The following GRIA4 variants were observed in gnomAD, a reference collection of about 807,000 sequenced individuals.
The protein encoded by GRIA4 is glutamate ionotropic receptor AMPA type subunit 4.
GRIA4 carries 34 observed loss-of-function variants against 104.0 expected under a neutral mutation model. The ratio of observed to expected loss-of-function variants is 0.33; its 90% CI spans 0.25 to 0.44. The LOEUF (loss-of-function observed/expected upper bound fraction) is 0.44, where lower values mean the gene tolerates loss of function less well. Ranked by LOEUF, GRIA4 falls within the 20% of genes least tolerant of loss-of-function variation. GRIA4 has a pLI of 1.00. For missense variants in GRIA4, 750 were observed against 1,096.5 expected, an observed-to-expected ratio of 0.68 and a Z score of 4.46; for synonymous variants, 386 against 381.9, an observed-to-expected ratio of 1.01 and a Z score of -0.13.
chr11:105,728,646 C>A (rs953972580), intron 3 of GRIA4, among the ~76,000 whole-genome samples: 3 of 152,102 alleles, frequency 2.0e-5, no homozygotes, highest in Non-Finnish European at 1.5e-5. Context: ...GAAATTATAA[C>A]AAACAGTCTC....
intron 4 of GRIA4, among the ~76,000 whole-genome samples, chr11:105,811,860 A>T (rs58848111): frequency 6.6e-6 from 1 of 152,152 alleles, no homozygotes; most frequent in Non-Finnish European, 1.5e-5. Context: ...CTCACTTTCC[A>T]ACTGTTAAGT....
intron 3 of GRIA4, among the ~76,000 whole-genome samples, chr11:105,709,289 A>C (rs1278022713): frequency 6.6e-6 from 1 of 152,124 alleles, no homozygotes; most frequent in African/African-American, 2.4e-5. Context: ...TGAATAAATA[A>C]ATAGATGGAG....
rs550533372 is a variant in GRIA4 at position 105,756,050 on chromosome 11, A to C, written c.487+2830A>C. ...ATAATTGCATGAGCCAATTTCTTAT[A>C]ATAAATCTCTCTTTATGTATCTGTA... On this transcript the variant is annotated intron_variant, in intron 4 of 16. Coordinates refer to ENST00000282499, the MANE Select transcript of GRIA4 (RefSeq NM_000829.4). 2.0e-5 allele frequency among the ~76,000 whole-genome samples: 3 copies of C among 152,240 alleles called. No individual in the cohort carries two copies. In the East Asian group the frequency reaches 5.8e-4, roughly 29 times the overall value.
At chr11:105,730,303 C>G (rs1170450449) in intron 3 of GRIA4, among the ~76,000 whole-genome samples, 1 of 152,052 alleles carries the variant, frequency 6.6e-6, no homozygotes, top group Non-Finnish European at 1.5e-5. Flanking sequence ...AATGAAATAC[C>G]TAGGAATACA....
chr11:105,697,997 A>C lies in GRIA4; in HGVS notation c.248-54984A>C, dbSNP rs79890000. ...TTTTTCCTCAAAGTTAAAGCCCAGCAGTGGAGATGGCAATGATTTGAAACA... is the reference window on the plus strand; with the variant it reads ...TTTTTCCTCAAAGTTAAAGCCCAGCCGTGGAGATGGCAATGATTTGAAACA... On this transcript the variant is annotated intron_variant, in intron 3 of 16. Coordinates refer to ENST00000282499, the MANE Select transcript of GRIA4 (RefSeq NM_000829.4). 4.7e-4 allele frequency among the ~76,000 whole-genome samples: 72 copies of C among 152,270 alleles called. 1 individual carries two copies. In the East Asian group the frequency reaches 5.4e-3, roughly 11 times the overall value.
chr11:105,967,989 G>A (rs1160531536), intron 14 of GRIA4, among the ~76,000 whole-genome samples: 3 of 152,162 alleles, frequency 2.0e-5, no homozygotes, highest in Non-Finnish European at 2.9e-5. Context: ...AGGAGAAAAA[G>A]TCCTGAAGTG....
intron 3 of GRIA4, among the ~76,000 whole-genome samples, chr11:105,689,104 T>C (rs1238968044): frequency 1.3e-5 from 2 of 152,182 alleles, no homozygotes; most frequent in African/African-American, 4.8e-5. Flanking sequence ...AATATGATTA[T>C]ATGATATTAA....
intron 3 of GRIA4, among the ~76,000 whole-genome samples, chr11:105,684,907 A>G (rs1813196472): frequency 6.6e-6 from 1 of 151,924 alleles, no homozygotes; most frequent in African/African-American, 2.4e-5. Context: ...ACTTAACAAC[A>G]TTTGTTTCAT....
intron 4 of GRIA4, among the ~76,000 whole-genome samples, chr11:105,803,331 G>A (rs1188356597): frequency 1.3e-5 from 2 of 151,808 alleles, no homozygotes; most frequent in Non-Finnish European, 2.9e-5. Context: ...GAGAATTTAG[G>A]TTATTTGCCA....
chr11:105,893,097 TAG>T (rs199841631), intron 6 of GRIA4, among the ~76,000 whole-genome samples: 2,213 of 152,264 alleles, frequency 0.015, 116 homozygotes, highest in Admixed American at 0.099. Context: ...GACGTTAATC[TAG>T]AGAGTGGTAA....
At chr11:105,738,920 T>TA (rs1208334069) in intron 3 of GRIA4, among the ~76,000 whole-genome samples, 43 of 49,288 alleles carry the variant, frequency 8.7e-4, no homozygotes, top group African/African-American at 1.9e-3. Flanking sequence ...AGTTGACAAG[T>TA]AAAAAAAAAC....
rs56176218 is a variant in GRIA4 at position 105,794,453 on chromosome 11, C to G, written c.487+41233C>G. The stretch of plus-strand genomic sequence containing the variant: ...CCGGGGTGTGTGTGTGTGTGTGTGT[C>G]TGTGTGTGTGTATATGTATGTATAT... On this transcript the variant is annotated intron_variant, in intron 4 of 16. Transcript: ENST00000282499. 1.0e-3 allele frequency among the ~76,000 whole-genome samples: 41 copies of G among 40,740 alleles called. 2 individuals carry two copies. The South Asian group carries it at 0.013, about 13-fold the overall frequency. The allele number at this position is 40,740 out of a possible 152,430, so 26.7% of individuals were successfully genotyped here.
intron 3 of GRIA4, among the ~76,000 whole-genome samples, chr11:105,714,853 G>T (rs1049589285): frequency 6.6e-6 from 1 of 151,826 alleles, no homozygotes; most frequent in Non-Finnish European, 1.5e-5. Context: ...TGTTTCTGCA[G>T]GTGTCTCTGA....
At chr11:105,825,890 A>G (rs1161484087) in intron 4 of GRIA4, among the ~76,000 whole-genome samples, 2 of 152,082 alleles carry the variant, frequency 1.3e-5, no homozygotes, top group African/African-American at 4.8e-5. Context: ...CTGCAAAAAT[A>G]GTACATTAAA....
chr11:105,654,176 G>A lies in GRIA4; in HGVS notation c.247+41742G>A, dbSNP rs573257507. 7.2e-5 allele frequency among the ~76,000 whole-genome samples: 11 copies of A among 152,066 alleles called. No homozygotes were observed. The South Asian group carries it at 1.9e-3, about 26-fold the overall frequency. ...GAAGCAGAGAGTAAGGTAATGGTTAGCAGAGGTTTGTGGGATGGTGGGGCA... is the reference window on the plus strand; with the variant it reads ...GAAGCAGAGAGTAAGGTAATGGTTAACAGAGGTTTGTGGGATGGTGGGGCA... On this transcript the variant is annotated intron_variant, in intron 3 of 16. Coordinates refer to ENST00000282499, the MANE Select transcript of GRIA4 (RefSeq NM_000829.4).
chr11:105,734,084 C>CATAT (rs200363476), intron 3 of GRIA4, among the ~76,000 whole-genome samples: 1 of 145,140 alleles, frequency 6.9e-6, no homozygotes, highest in Non-Finnish European at 1.5e-5. Context: ...ATATTTTATA[C>CATAT]ATATATATAT....
At chr11:105,853,415 G>A (rs557925483) in intron 4 of GRIA4, among the ~76,000 whole-genome samples, 1 of 152,218 alleles carries the variant, frequency 6.6e-6, no homozygotes, top group South Asian at 2.1e-4. Context: ...TTCCTGCTGA[G>A]ATATGTGGGA....
intron 9 of GRIA4, among the ~76,000 whole-genome samples, chr11:105,907,675 G>A (rs902028183): frequency 6.6e-6 from 1 of 152,136 alleles, no homozygotes; most frequent in African/African-American, 2.4e-5. Context: ...GAGCTGCATG[G>A]TTTCAGAAAT....
At chr11:105,937,436 C>G (rs1027753070) in intron 14 of GRIA4, among the ~76,000 whole-genome samples, 2 of 152,074 alleles carry the variant, frequency 1.3e-5, no homozygotes, top group Non-Finnish European at 2.9e-5. Flanking sequence ...ATAAATAAAC[C>G]TGTTAAAGGT....
Sources: allele counts gnomAD v4.1 joint callset (sites outside exome capture counted in the v4.1 genomes callset), GRCh38; gene constraint gnomAD v4.1.1; transcripts MANE v1.5; gene names NCBI Gene and HGNC (gene_info 2026-07-23, HGNC 2026-07-21).